Variants in FHIT observed in about 807,000 individuals in gnomAD.
FHIT encodes the protein fragile histidine triad diadenosine triphosphatase.
FHIT carries 19 observed loss-of-function variants against 17.9 expected under a neutral mutation model. That is an observed-to-expected ratio of 1.06 (90% CI 0.74 to 1.56). The LOEUF (loss-of-function observed/expected upper bound fraction) is 1.56. FHIT is among the 40% of genes most tolerant of loss of function. The pLI is 0.00. For missense variants in FHIT, 248 were observed against 189.2 expected (o/e 1.31, Z -1.82); for synonymous variants, 81 against 69.7 (o/e 1.16, Z -0.81).
chr3:60,764,869 A>G (rs1423354947), intron 4 of FHIT, among the ~76,000 whole-genome samples: 2 of 152,110 alleles, frequency 1.3e-5, no homozygotes, highest in Non-Finnish European at 1.5e-5. Context: ...CTGAAACCAA[A>G]AAAAGTACAA....
intron 5 of FHIT, among the ~76,000 whole-genome samples, chr3:60,274,874 T>C (rs896303521): frequency 2.2e-4 from 33 of 152,146 alleles, no homozygotes; most frequent in African/African-American, 7.7e-4. Flanking sequence ...GCATGGATAA[T>C]TGCAATAGGA....
chr3:59,945,743 C>G (rs1358860575), intron 7 of FHIT, among the ~76,000 whole-genome samples: 9 of 152,136 alleles, frequency 5.9e-5, no homozygotes, highest in Admixed American at 1.3e-4. Flanking sequence ...CAGTTTCAGT[C>G]TTCTGCATAT....
intron 4 of FHIT, among the ~76,000 whole-genome samples, chr3:60,639,573 G>A (rs2039675270): frequency 6.6e-6 from 1 of 152,040 alleles, no homozygotes. Context: ...ATAGACCACA[G>A]AATTTGAAAA....
At chr3:60,574,189 C>T (rs2037486681) in intron 4 of FHIT, among the ~76,000 whole-genome samples, 1 of 152,056 alleles carries the variant, frequency 6.6e-6, no homozygotes, top group African/African-American at 2.4e-5. Flanking sequence ...CTACAAAGAG[C>T]CAGGAGTTTG....
At chr3:59,854,215 A>C (rs918664234) in intron 8 of FHIT, among the ~76,000 whole-genome samples, 2 of 152,206 alleles carry the variant, frequency 1.3e-5, no homozygotes, top group African/African-American at 4.8e-5. Flanking sequence ...GAAGGAAATC[A>C]ATCTCTGCTC....
chr3:61,134,367 T>C (rs1365856995), intron 2 of FHIT, among the ~76,000 whole-genome samples: 1 of 152,158 alleles, frequency 6.6e-6, no homozygotes, highest in Non-Finnish European at 1.5e-5. Flanking sequence ...AATTATTCAT[T>C]CAATAAGTAT....
chr3:60,172,455 T>C (rs939396272), intron 5 of FHIT, among the ~76,000 whole-genome samples: 1 of 151,078 alleles, frequency 6.6e-6, no homozygotes, highest in African/African-American at 2.4e-5. Context: ...TTTTTTTTTT[T>C]AGTAGACATG....
At chr3:61,199,293 T>A (rs954245602) in intron 2 of FHIT, among the ~76,000 whole-genome samples, 1 of 152,244 alleles carries the variant, frequency 6.6e-6, no homozygotes. Flanking sequence ...GTTGTTAAGA[T>A]GGCTACATCA....
intron 1 of FHIT, among the ~76,000 whole-genome samples, chr3:61,239,762 CATATATATAT>C (rs72107416): frequency 9.2e-6 from 1 of 108,300 alleles, no homozygotes; most frequent in African/African-American, 4.6e-5. Context: ...AACAACTGGC[CATATATATAT>C]ATATATATAT....
chr3:60,586,004 C>A (rs2037893778), intron 4 of FHIT, among the ~76,000 whole-genome samples: 1 of 151,840 alleles, frequency 6.6e-6, no homozygotes, highest in Non-Finnish European at 1.5e-5. Flanking sequence ...AAAGAATTTT[C>A]TTCTCATGGA....
intron 4 of FHIT, among the ~76,000 whole-genome samples, chr3:60,612,134 G>A (rs1553673845): frequency 6.7e-6 from 1 of 149,558 alleles, no homozygotes; most frequent in Non-Finnish European, 1.5e-5. Flanking sequence ...TGGCATCCTA[G>A]GGGGGCTCTC....
At chr3:60,192,267 A>AC (rs1702435840) in intron 5 of FHIT, among the ~76,000 whole-genome samples, 1 of 151,254 alleles carries the variant, frequency 6.6e-6, no homozygotes. Context: ...AAAAAAAAAA[A>AC]AGTTAAAGGA....
chr3:60,435,860 C>T (rs796285143), intron 5 of FHIT, among the ~76,000 whole-genome samples: 10 of 152,132 alleles, frequency 6.6e-5, no homozygotes, highest in African/African-American at 2.2e-4. Context: ...CTCTATGTGT[C>T]CATGTGTTCT....
chr3:61,121,701 A>C (rs2036461615), intron 2 of FHIT, among the ~76,000 whole-genome samples: 1 of 152,208 alleles, frequency 6.6e-6, no homozygotes, highest in African/African-American at 2.4e-5. Flanking sequence ...CAAAATAACC[A>C]GCTTGCATCA....
intron 3 of FHIT, among the ~76,000 whole-genome samples, chr3:61,007,627 T>C (rs1559905048): frequency 6.6e-6 from 1 of 152,164 alleles, no homozygotes; most frequent in Non-Finnish European, 1.5e-5. Context: ...TGACACAAAA[T>C]TGTGTAACTT....
At chr3:60,008,869 T>C (rs1308225325) in intron 7 of FHIT, among the ~76,000 whole-genome samples, 2 of 152,344 alleles carry the variant, frequency 1.3e-5, no homozygotes, top group East Asian at 1.9e-4. Context: ...GTCATAATTA[T>C]GTGGCCATTG....
intron 7 of FHIT, among the ~76,000 whole-genome samples, chr3:59,936,558 G>C (rs1452319270): frequency 6.6e-6 from 1 of 152,168 alleles, no homozygotes; most frequent in Non-Finnish European, 1.5e-5. Context: ...TTTCGAGGCA[G>C]CTCTGTGGCT....
intron 2 of FHIT, among the ~76,000 whole-genome samples, chr3:61,124,955 A>G (rs2036566624): frequency 6.6e-6 from 1 of 152,140 alleles, no homozygotes; most frequent in South Asian, 2.1e-4. Context: ...CATCAGTTAC[A>G]ACTGCTGGGT....
chr3:60,369,492 T>G (rs902664946), intron 5 of FHIT, among the ~76,000 whole-genome samples: 7 of 152,210 alleles, frequency 4.6e-5, no homozygotes, highest in African/African-American at 7.2e-5. Context: ...TAATTATGAA[T>G]GATATATCCC....
Sources: gnomAD v4.1 joint callset for allele counts (sites outside exome capture counted in the v4.1 genomes callset) on GRCh38, gnomAD v4.1.1 for gene constraint, MANE v1.5 for transcripts, NCBI Gene and HGNC (gene_info 2026-07-23, HGNC 2026-07-21) for gene names.